The following COL23A1 variants were observed in gnomAD, a reference collection of about 807,000 sequenced individuals.
COL23A1 encodes the protein collagen alpha-1(XXIII) chain.
In COL23A1, 97 loss-of-function variants were observed where a neutral mutation model predicts 99.3. That is an observed-to-expected ratio of 0.98 (90% CI 0.83 to 1.16). The LOEUF is 1.16. COL23A1 is among the 50% of genes most tolerant of loss of function. COL23A1 has a pLI of 0.00. For missense variants in COL23A1, 762 were observed against 757.4 expected (o/e 1.01, Z -0.07); for synonymous variants, 320 against 308.2 (o/e 1.04, Z -0.40).
At chr5:178,581,337 A>G (rs1763648815) in intron 1 of COL23A1, among the ~76,000 whole-genome samples, 1 of 152,168 alleles carries the variant, frequency 6.6e-6, no homozygotes, top group Non-Finnish European at 1.5e-5. Flanking sequence ...AGGCCAAGGC[A>G]GGCAAATCAC....
chr5:178,295,793 T>C (rs1040002847), intron 3 of COL23A1, among the ~76,000 whole-genome samples: 8 of 152,218 alleles, frequency 5.3e-5, no homozygotes, highest in Admixed American at 3.3e-4. Flanking sequence ...ATGAAAAAGG[T>C]AATGTTCTGT....
chr5:178,366,513 T>C lies in COL23A1; in HGVS notation c.362-59594A>G, dbSNP rs1762488058. On this transcript the variant is annotated intron_variant, in intron 2 of 28. Transcript: ENST00000390654. The surrounding 1 kb of genome is among the most constrained non-coding windows in gnomAD (Gnocchi z 4.4). Reference sequence around the variant, plus strand: ...CGTCTTCTGCACCTGCACTCCCATCTGACCTTTCCAGACCAACTTCCACCC... The same window carrying C: ...CGTCTTCTGCACCTGCACTCCCATCCGACCTTTCCAGACCAACTTCCACCC... Among the ~76,000 whole-genome samples, 1 of 152,210 alleles carries C rather than the reference T, an allele frequency of 6.6e-6. No individual in the cohort carries two copies. The highest frequency in any genetic ancestry group is 1.5e-5 in the Non-Finnish European group (1 of 68,034).
At chr5:178,506,460 T>A (rs1271212164) in intron 2 of COL23A1, among the ~76,000 whole-genome samples, 1 of 151,914 alleles carries the variant, frequency 6.6e-6, no homozygotes, top group African/African-American at 2.4e-5. Context: ...TTCCTCCCCA[T>A]CCAACCAAGG....
chr5:178,431,067 C>A (rs1188836772), intron 2 of COL23A1, among the ~76,000 whole-genome samples: 1 of 152,046 alleles, frequency 6.6e-6, no homozygotes, highest in Non-Finnish European at 1.5e-5. Context: ...GAGCCCCAGG[C>A]AGTAAGTGCG....
At chr5:178,531,457 T>C (rs1019231830) in intron 2 of COL23A1, among the ~76,000 whole-genome samples, 1 of 152,176 alleles carries the variant, frequency 6.6e-6, no homozygotes, top group Non-Finnish European at 1.5e-5. Context: ...GATGAAGGTC[T>C]GCCTGTTAAG....
chr5:178,285,632 G>A (rs981405755), intron 5 of COL23A1, among the ~76,000 whole-genome samples: 1 of 152,154 alleles, frequency 6.6e-6, no homozygotes, highest in Non-Finnish European at 1.5e-5. Flanking sequence ...AGTTAACCCC[G>A]CTCTGCAGGT....
At chr5:178,357,954 ATATG>A (rs1761809648) in intron 2 of COL23A1, among the ~76,000 whole-genome samples, 1 of 140,110 alleles carries the variant, frequency 7.1e-6, no homozygotes, top group Non-Finnish European at 1.5e-5. Context: ...GTGTGTATGT[ATATG>A]TGTGTATGTG....
intron 2 of COL23A1, among the ~76,000 whole-genome samples, chr5:178,549,505 T>C (rs1460999614): frequency 2.0e-5 from 3 of 152,152 alleles, no homozygotes. Context: ...AACTGGTACC[T>C]TGGCTCTGTC....
At chr5:178,305,016 TA>T (rs1216216012) in intron 3 of COL23A1, among the ~76,000 whole-genome samples, 3 of 152,110 alleles carry the variant, frequency 2.0e-5, no homozygotes, top group Non-Finnish European at 4.4e-5. Flanking sequence ...TACTTTGTCC[TA>T]AAAAAATGAC....
At chr5:178,362,811 CCG>C (rs1762243126) in intron 2 of COL23A1, among the ~76,000 whole-genome samples, 1 of 152,172 alleles carries the variant, frequency 6.6e-6, no homozygotes, top group African/African-American at 2.4e-5. Context: ...GAGAGGCTGC[CCG>C]ATGGCACAGC....
intron 2 of COL23A1, among the ~76,000 whole-genome samples, chr5:178,532,157 C>T (rs1382227830): frequency 6.6e-6 from 1 of 152,212 alleles, no homozygotes; most frequent in African/African-American, 2.4e-5. Flanking sequence ...CATCCAGAAT[C>T]GAAAAGCTGA....
At chr5:178,339,316 C>G (rs979910304) in intron 2 of COL23A1, among the ~76,000 whole-genome samples, 11 of 152,218 alleles carry the variant, frequency 7.2e-5, no homozygotes, top group African/African-American at 2.4e-4. Flanking sequence ...GTGTGTTCCT[C>G]AAGCCTCCGC....
At chr5:178,582,031 T>C (rs543706310) in intron 1 of COL23A1, among the ~76,000 whole-genome samples, 17 of 151,184 alleles carry the variant, frequency 1.1e-4, no homozygotes, top group Non-Finnish European at 2.2e-4. Flanking sequence ...GCTTGGTTAT[T>C]TAAAAAAGAA....
At chr5:178,527,696 G>A (rs1337659201) in intron 2 of COL23A1, among the ~76,000 whole-genome samples, 2 of 152,170 alleles carry the variant, frequency 1.3e-5, no homozygotes. Context: ...TGCATGCTGT[G>A]TGTGCTCCCG....
rs1294356040 is a variant in COL23A1 at position 178,307,972 on chromosome 5, C to A, written c.362-1053G>T. Among the ~76,000 whole-genome samples the A allele has an allele frequency of 6.6e-6, 1 of 151,970 alleles. No homozygotes were observed. Among genetic ancestry groups the A allele is most frequent in the Non-Finnish European group, 1.5e-5 (1 of 68,016 alleles). Reference sequence around the variant, plus strand: ...GGAGATGCAGGAGACTGGCCCCGATCGCGTCTGTGGCAGGATGGAAAAATG... The same window carrying A: ...GGAGATGCAGGAGACTGGCCCCGATAGCGTCTGTGGCAGGATGGAAAAATG... On this transcript the variant is annotated intron_variant, in intron 2 of 28. Coordinates refer to ENST00000390654, the MANE Select transcript of COL23A1 (RefSeq NM_173465.4). The surrounding 1 kb of genome is among the most constrained non-coding windows in gnomAD (Gnocchi z 4.2).
At chr5:178,240,853 C>T (rs1320125180) in intron 27 of COL23A1, among the ~76,000 whole-genome samples, 1 of 152,190 alleles carries the variant, frequency 6.6e-6, no homozygotes, top group Non-Finnish European at 1.5e-5. Context: ...AATATCTGTC[C>T]AGTTTTAGTA....
chr5:178,444,873 A>G (rs1561978134), intron 2 of COL23A1, among the ~76,000 whole-genome samples: 1 of 152,220 alleles, frequency 6.6e-6, no homozygotes, highest in Non-Finnish European at 1.5e-5. Context: ...TTTTCCCCGT[A>G]GGTGAAATGG....
chr5:178,372,461 A>C (rs1485930022), intron 2 of COL23A1, among the ~76,000 whole-genome samples: 1 of 152,362 alleles, frequency 6.6e-6, no homozygotes, highest in East Asian at 1.9e-4. Flanking sequence ...AAAGGGAAAA[A>C]ACAGGGCTGG....
intron 4 of COL23A1, chr5:178,288,585 GCA>G (rs1757285625): frequency 1.6e-6 from 1 of 612,428 alleles, no homozygotes; most frequent in African/African-American, 1.9e-5. Context: ...GGGGCTCCGG[GCA>G]CAGTCACATG....
Sources: gnomAD v4.1 joint callset for allele counts (sites outside exome capture counted in the v4.1 genomes callset) on GRCh38, gnomAD v4.1.1 for gene constraint, Gnocchi (gnomAD v3.1) non-coding constraint, MANE v1.5 for transcripts, NCBI Gene and HGNC (gene_info 2026-07-23, HGNC 2026-07-21) for gene names.